SH2D2A: variants seen among roughly 807,000 people sequenced by gnomAD.
The protein encoded by SH2D2A is SH2 domain-containing protein 2A.
Under a neutral mutation model 43.6 loss-of-function variants are expected in SH2D2A, and 33 were observed. The observed-to-expected ratio is 0.76, with a 90% CI of 0.57 to 1.01. SH2D2A has a LOEUF of 1.01. SH2D2A is among the 50% of genes least tolerant of loss of function. SH2D2A has a pLI of 0.00. For missense variants in SH2D2A, 491 were observed against 503.1 expected, an observed-to-expected ratio of 0.98 and a Z score of 0.23; for synonymous variants, 212 against 206.1, an observed-to-expected ratio of 1.03 and a Z score of -0.25.
Position 156,809,942 on chromosome 1 carries a change from G to C in SH2D2A, c.568-135C>G, listed in dbSNP as rs550047887. On this transcript the variant is annotated intron_variant, in intron 5 of 8. Coordinates refer to ENST00000368199, the MANE Select transcript of SH2D2A (RefSeq NM_003975.4). The surrounding 1 kb of genome is among the most constrained non-coding windows in gnomAD (Gnocchi z 4.8). Reference sequence around the variant, plus strand: ...AGCACAGAAATTTGGCCTGGGCTGGGTTCCCTGGATGAGGAAGAGGGGGTG... The same window carrying C: ...AGCACAGAAATTTGGCCTGGGCTGGCTTCCCTGGATGAGGAAGAGGGGGTG... 7.5e-6 allele frequency: 7 copies of C among 929,846 alleles called. No homozygotes were observed. Among genetic ancestry groups the C allele is most frequent in the African/African-American group, 5.0e-5 (3 of 59,690 alleles). The allele number at this position is 929,846 out of a possible 1,614,324, so 57.6% of individuals were successfully genotyped here.
rs61813762 is a variant in SH2D2A at position 156,807,690 on chromosome 1, G to A, written c.1003-345C>T. Among the ~76,000 whole-genome samples, 1,651 of 152,352 alleles carry A rather than the reference G, an allele frequency of 0.011. 19 individuals are homozygous for A. Among genetic ancestry groups the A allele is most frequent in the South Asian group, 0.028 (137 of 4,820 alleles). On this transcript the variant is annotated intron_variant, in intron 7 of 8. Coordinates refer to ENST00000368199, the MANE Select transcript of SH2D2A (RefSeq NM_003975.4). This position sits in a 1 kb window ranked among gnomAD's most constrained non-coding sequence, Gnocchi z 5.1. ...GGCACAGGGGGTGGCCTCTGAGAAG[G>A]GAAAGCTGGTCTTGAAGGATGATTA...
At position 156,816,087 on chromosome 1, in the gene SH2D2A, G is replaced by A. The variant is rs1225565413; in HGVS notation, c.42C>T (p.His14=). ...TGCTGAAGGTTGGGATGGGGGCTTCGTGACTCCCTGTGAGCACAAAGAGGG... is the reference window on the plus strand; with the variant it reads ...TGCTGAAGGTTGGGATGGGGGCTTCATGACTCCCTGTGAGCACAAAGAGGG... ...PLAQICPQGS[H]EAPIPTFSTF... The change falls in exon 2 of 9, where the codon CAC becomes CAT. Residue 14 remains histidine, a synonymous_variant. Transcript: ENST00000368199. The A allele has an allele frequency of 8.1e-6, 13 of 1,612,732 alleles. No homozygotes were observed. The African/African-American group carries it at 1.1e-4, about 13-fold the overall frequency.
In SH2D2A at chr1:156,815,988, C is replaced by A. The variant is rs1191660594; in HGVS notation, c.123+18G>T. ...ATGAGGGAGCTGCACCACGCTGCCG[C>A]CCCAGGTTTCCACTCACCGCAGTGT... On this transcript the variant is annotated intron_variant, in intron 2 of 8. Coordinates refer to ENST00000368199, the MANE Select transcript of SH2D2A (RefSeq NM_003975.4). 4.3e-6 allele frequency: 7 copies of A among 1,612,788 alleles called. No homozygotes were observed. The Admixed American group carries it at 1.2e-4, about 27-fold the overall frequency.
rs1278094215 is a variant in SH2D2A, at chr1:156,815,163, T to C, written c.182A>G (p.Glu61Gly). 2.5e-6 allele frequency: 4 copies of C among 1,602,544 alleles called. No homozygotes were observed. In the Admixed American group the frequency reaches 6.8e-5, roughly 27 times the overall value. ...SNTGNAERAE[E>G]VPGEGSLFLQ... is the part of the protein sequence containing the mutation. ...GAACAGGCTTCCTTCTCCAGGCACC[T>C]CCTCTGCCCTCTCAGCATTCCCTGT... Residue 61 changes from glutamate to glycine, a missense_variant, in exon 3 of 9, where the codon GAG becomes GGG. Transcript: ENST00000368199.
Position 156,816,064 on chromosome 1 carries a change from C to T in SH2D2A, c.65G>A (p.Ser22Asn). Residue 22 changes from serine to asparagine, a missense_variant, in exon 2 of 9, where the codon AGC (serine) becomes AAC (asparagine). By Grantham distance (46) the Ser-to-Asn change is conservative (BLOSUM62 1). Coordinates refer to ENST00000368199, the MANE Select transcript of SH2D2A (RefSeq NM_003975.4). ...GGTCATGTCTGTGATCTGGAAGGTGCTGAAGGTTGGGATGGGGGCTTCGTG... is the reference window on the plus strand; with the variant it reads ...GGTCATGTCTGTGATCTGGAAGGTGTTGAAGGTTGGGATGGGGGCTTCGTG... ...GSHEAPIPTF[S>N]TFQITDMTRR... 2 of 1,614,022 alleles carry T rather than the reference C, an allele frequency of 1.2e-6. No individual in the cohort carries two copies. Among genetic ancestry groups the T allele is most frequent in the East Asian group, 2.2e-5 (1 of 44,878 alleles).
chr1:156,812,737 G>A (rs964388544), intron 5 of SH2D2A, among the ~76,000 whole-genome samples: 13 of 152,194 alleles, frequency 8.5e-5, no homozygotes, highest in Non-Finnish European at 1.9e-4. Context: ...AGGTGGAGCT[G>A]CTGGTGGAGC....
At chr1:156,811,462 A>C (rs778630420) in intron 5 of SH2D2A, among the ~76,000 whole-genome samples, 1 of 152,170 alleles carries the variant, frequency 6.6e-6, no homozygotes, top group Non-Finnish European at 1.5e-5. Flanking sequence ...AGACTTCTAC[A>C]GCTCTGCCTT....
At chr1:156,810,914 G>A (rs1038334402) in intron 5 of SH2D2A, among the ~76,000 whole-genome samples, 2 of 152,182 alleles carry the variant, frequency 1.3e-5, no homozygotes, top group African/African-American at 2.4e-5. Context: ...TTTTAGCTCC[G>A]TGTTAGCCCT....
Position 156,809,385 on chromosome 1 carries a change from T to C in SH2D2A, c.820A>G (p.Lys274Glu), listed in dbSNP as rs1415859474. The C allele has an allele frequency of 1.2e-6, 2 of 1,613,968 alleles. No individual in the cohort carries two copies. The highest frequency in any genetic ancestry group is 1.7e-6 in the Non-Finnish European group (2 of 1,179,980). Residue 274 changes from lysine to glutamate, a missense_variant, in exon 7 of 9, where the codon AAG (lysine) becomes GAG (glutamate). By Grantham distance (56) the Lys-to-Glu change is moderately conservative. Coordinates refer to ENST00000368199, the MANE Select transcript of SH2D2A (RefSeq NM_003975.4). The surrounding 1 kb of genome is among the most constrained non-coding windows in gnomAD (Gnocchi z 4.8). ...TCATTGTAGATAGGATTGGAGGGCT[T>C]GGGGCGTGGGGCCGGGCGGTGTCGT... Reference protein sequence around the residue: ...VPRHRPAPRPKPSNPIYNEPD... With the variant: ...VPRHRPAPRPEPSNPIYNEPD...
In SH2D2A at chr1:156,816,069, G is replaced by A. The variant is rs374636761; in HGVS notation, c.60C>T (p.Thr20=). ...TGTCTGTGATCTGGAAGGTGCTGAA[G>A]GTTGGGATGGGGGCTTCGTGACTCC... is the stretch of plus-strand genomic sequence containing the variant. ...PQGSHEAPIP[T]FSTFQITDMT... is the part of the protein sequence containing the mutation. Residue 20 remains threonine (T), a synonymous_variant, in exon 2 of 9, where the codon ACC becomes ACT. Coordinates refer to ENST00000368199, the MANE Select transcript of SH2D2A (RefSeq NM_003975.4). 1.9e-6 allele frequency: 3 copies of A among 1,613,924 alleles called. No individual in the cohort carries two copies. Among genetic ancestry groups the A allele is most frequent in the African/African-American group, 2.7e-5 (2 of 74,930 alleles).
intron 2 of SH2D2A, 123 bp downstream of exon 2, chr1:156,815,883 G>T: frequency 4.3e-6 from 7 of 1,613,934 alleles, no homozygotes; most frequent in Non-Finnish European, 5.9e-6. Context: ...CAGCCCGTTG[G>T]CAGACCCGGA....
Position 156,809,629 on chromosome 1 carries a change from C to T in SH2D2A, c.714+32G>A. On this transcript the variant is annotated intron_variant, in intron 6 of 8. Transcript: ENST00000368199. This position sits in a 1 kb window ranked among gnomAD's most constrained non-coding sequence, Gnocchi z 4.8. Reference sequence around the variant, plus strand: ...GCCTGCACCCCCTCGCAGGCCTGTCCTCCCACTCCCTCAGCCCCTGCAGCC... The same window carrying T: ...GCCTGCACCCCCTCGCAGGCCTGTCTTCCCACTCCCTCAGCCCCTGCAGCC... The T allele has an allele frequency of 6.3e-7, 1 of 1,589,742 alleles. No homozygotes were observed. The highest frequency in any genetic ancestry group is 8.6e-7 in the Non-Finnish European group (1 of 1,169,534).
intron 1 of SH2D2A, 182 bp from the exon 2 acceptor site, chr1:156,816,276 G>T: frequency 1.5e-5 from 8 of 530,324 alleles, no homozygotes; most frequent in Non-Finnish European, 1.7e-5. Context: ...AGGCGGCATG[G>T]GGGGCTAATG....
chr1:156,814,395 A>C lies in SH2D2A; in HGVS notation c.309-101T>G, dbSNP rs183527814. On this transcript the variant is annotated intron_variant, in intron 3 of 8. Coordinates refer to ENST00000368199, the MANE Select transcript of SH2D2A (RefSeq NM_003975.4). ...GAGGAACCCCTACCCCCAAGCAAGC[A>C]TGCTGGAGCGGCTAGAGAAAGGCTA... 1.9e-4 allele frequency: 292 copies of C among 1,520,304 alleles called. 2 individuals carry two copies. In the Admixed American group the frequency reaches 6.1e-3, roughly 32 times the overall value. The allele number at this position is 1,520,304 out of a possible 1,614,324, so 94.2% of individuals were successfully genotyped here. A position where few individuals can be genotyped will look rare whatever the true frequency, so the allele number is the denominator to read the frequency against.
At position 156,816,040 on chromosome 1, in the gene SH2D2A, G is replaced by A. The variant is rs776157082; in HGVS notation, c.89C>T (p.Thr30Ile). The A allele has an allele frequency of 1.2e-6, 2 of 1,614,114 alleles. No homozygotes were observed. The highest frequency in any genetic ancestry group is 1.7e-6 in the Non-Finnish European group (2 of 1,179,976). ...GCCCAGGTTCTGGCAGCTCCTGCGG[G>A]TCATGTCTGTGATCTGGAAGGTGCT... ...TFSTFQITDM[T>I]RRSCQNLGYT... The change falls in exon 2 of 9, where the codon ACC becomes ATC. Residue 30 changes from threonine to isoleucine, a missense_variant. By Grantham distance (89) the Thr-to-Ile change is moderately conservative. Transcript: ENST00000368199.
intron 5 of SH2D2A, among the ~76,000 whole-genome samples, chr1:156,810,989 T>G (rs564421709): frequency 6.6e-6 from 1 of 152,334 alleles, no homozygotes; most frequent in South Asian, 2.1e-4. Flanking sequence ...GCTTTTCTTG[T>G]GCTCCTGCAA....
intron 3 of SH2D2A, 178 bp from the exon 4 acceptor site, chr1:156,814,472 A>G (rs1653697121): frequency 8.1e-7 from 1 of 1,236,412 alleles, no homozygotes; most frequent in African/African-American, 1.5e-5. Context: ...CGCTGCAGGG[A>G]TTAGGCGTGG....
Position 156,809,615 on chromosome 1 carries a change from C to T in SH2D2A, c.714+46G>A. 6.3e-7 allele frequency: 1 copy of T among 1,577,866 alleles called. No homozygotes were observed. The highest frequency in any genetic ancestry group is 8.6e-7 in the Non-Finnish European group (1 of 1,163,124). ...TCCTCCTCCCCGCTGCCTGCACCCC[C>T]TCGCAGGCCTGTCCTCCCACTCCCT... On this transcript the variant is annotated intron_variant, in intron 6 of 8. Coordinates refer to ENST00000368199, the MANE Select transcript of SH2D2A (RefSeq NM_003975.4). The surrounding 1 kb of genome is among the most constrained non-coding windows in gnomAD (Gnocchi z 4.8).
chr1:156,807,239 A>G lies in SH2D2A; in HGVS notation c.1109T>C (p.Leu370Pro). The part of the protein sequence containing the change: ...PAWRHTLPHN[L>P]SRQVLQDRGQ... ...TCTGTCCTGAAGCACCTGTCTAGAA[A>G]GATTGTGGGGGAGGGTGTGTCTCCA... The change falls in exon 8 of 9, where the codon CTT becomes CCT. Residue 370 changes from leucine (L) to proline (P), a missense_variant. Physicochemically the swap from Leu to Pro is moderately conservative, Grantham distance 98. Coordinates refer to ENST00000368199, the MANE Select transcript of SH2D2A (RefSeq NM_003975.4). The surrounding 1 kb of genome is among the most constrained non-coding windows in gnomAD (Gnocchi z 5.1). 7.5e-7 allele frequency: 1 copy of G among 1,337,084 alleles called. No homozygotes were observed. The highest frequency in any genetic ancestry group is 1.6e-5 in the African/African-American group (1 of 61,664). 82.8% of individuals were successfully genotyped at this position (1,337,084 alleles called of 1,614,324 possible).
Sources: allele counts gnomAD v4.1 joint callset (sites outside exome capture counted in the v4.1 genomes callset), GRCh38; gene constraint gnomAD v4.1.1; non-coding constraint Gnocchi (gnomAD v3.1); transcripts MANE v1.5; gene names NCBI Gene and HGNC (gene_info 2026-07-23, HGNC 2026-07-21).